Variants in LGSN observed in about 807,000 individuals in gnomAD.
The protein encoded by LGSN is lengsin.
A neutral mutation model predicts 19.5 loss-of-function variants in LGSN; 21 were observed. The ratio of observed to expected loss-of-function variants is 1.07; its 90% CI spans 0.76 to 1.55. The LOEUF (loss-of-function observed/expected upper bound fraction) is 1.55, where lower values mean the gene tolerates loss of function less well. Among genes scored for constraint, LGSN ranks in the 40% most tolerant of loss-of-function variants. The probability of loss-of-function intolerance (pLI) is 0.00; values close to 1 mark genes in which losing one functional copy is unlikely to be tolerated. For synonymous variants in LGSN, 257 were observed against 215.6 expected, an observed-to-expected ratio of 1.19 and a Z score of -1.68; for missense variants, 673 against 608.5, an observed-to-expected ratio of 1.11 and a Z score of -1.12.
the LGSN span, among the ~76,000 whole-genome samples, chr6:63,431,304 G>T: frequency 3.3e-5 from 5 of 152,214 alleles, no homozygotes; most frequent in African/African-American, 1.2e-4. Context: ...CAATGTACCT[G>T]ACTGGGTTCA....
At chr6:63,478,645 G>T in the LGSN span, among the ~76,000 whole-genome samples, 1 of 152,146 alleles carries the variant, frequency 6.6e-6, no homozygotes, top group Non-Finnish European at 1.5e-5. Flanking sequence ...CCCATGTACG[G>T]CTCATTCTAA....
the LGSN span, among the ~76,000 whole-genome samples, chr6:63,399,428 C>T: frequency 6.7e-6 from 1 of 148,834 alleles, no homozygotes; most frequent in African/African-American, 2.5e-5. Flanking sequence ...GAGTTTCGCT[C>T]CTGTCACCCA....
the LGSN span, among the ~76,000 whole-genome samples, chr6:63,473,301 T>C: frequency 1.3e-5 from 2 of 151,616 alleles, no homozygotes; most frequent in Admixed American, 6.6e-5. Flanking sequence ...GGCAAAACCC[T>C]GTCTCTACTA....
the LGSN span, among the ~76,000 whole-genome samples, chr6:63,362,758 C>T: frequency 6.6e-6 from 1 of 152,206 alleles, no homozygotes; most frequent in Non-Finnish European, 1.5e-5. Flanking sequence ...TCTGTAGACT[C>T]CACCTCTGGG....
chr6:63,526,756 A>T, the LGSN span, among the ~76,000 whole-genome samples: 2 of 148,600 alleles, frequency 1.3e-5, no homozygotes, highest in Non-Finnish European at 3.0e-5. Context: ...TCGAGATCAC[A>T]CCACTGCACT....
chr6:63,456,976 C>A, the LGSN span, among the ~76,000 whole-genome samples: 51 of 152,330 alleles, frequency 3.3e-4, no homozygotes, highest in African/African-American at 1.2e-3. Flanking sequence ...TGTACTGCTT[C>A]TCCACCTTAA....
At chr6:63,553,513 G>A in the LGSN span, among the ~76,000 whole-genome samples, 22 of 152,158 alleles carry the variant, frequency 1.4e-4, no homozygotes, top group Admixed American at 3.9e-4. Context: ...AGCCAGTTTG[G>A]TATCCTGTCA....
chr6:63,525,125 A>G, the LGSN span, among the ~76,000 whole-genome samples: 7 of 152,210 alleles, frequency 4.6e-5, no homozygotes, highest in African/African-American at 1.4e-4. Flanking sequence ...TCAAAGGTGA[A>G]GATTTCTAAG....
At chr6:63,547,534 C>A in the LGSN span, among the ~76,000 whole-genome samples, 7 of 106,950 alleles carry the variant, frequency 6.5e-5, no homozygotes, top group African/African-American at 7.2e-5. Context: ...AAGATGGAGT[C>A]TTGCTCTGTC....
rs770572076 is a variant in LGSN, at chr6:63,280,379, C to T, written c.1172G>A (p.Cys391Tyr). 2 of 1,614,050 alleles carry T rather than the reference C, an allele frequency of 1.2e-6. No homozygotes were observed. Among genetic ancestry groups the T allele is most frequent in the Non-Finnish European group, 1.7e-6 (2 of 1,180,054 alleles). Residue 391 changes from cysteine to tyrosine, a missense_variant, in exon 4 of 4, where the codon TGT becomes TAT. Transcript: ENST00000370657. ...TCCATGACATTTGATATTAAATATACAGCTGTTGTCATTGTATCCCCATGT... is the reference window on the plus strand; with the variant it reads ...TCCATGACATTTGATATTAAATATATAGCTGTTGTCATTGTATCCCCATGT... ...PTTWGYNDNS[C>Y]IFNIKCHGEK... is the part of the protein sequence containing the mutation.
In LGSN at chr6:63,281,273, C is replaced by CG. The variant is rs551756687; in HGVS notation, c.331-54dup. The CG allele has an allele frequency of 7.1e-3, 8,865 of 1,251,064 alleles. 80 individuals carry two copies. Among genetic ancestry groups the CG allele is most frequent in the Non-Finnish European group, 7.7e-3 (7,508 of 976,172 alleles). The allele number at this position is 1,251,064 out of a possible 1,614,324, so 77.5% of individuals were successfully genotyped here. ...AGGTTTTGAAAACAAACAAAAGGGT[C>CG]GGGGGGCGGCGGGAAAGCCTTGCTA... On this transcript the variant is annotated intron_variant, in intron 3 of 3. Coordinates refer to ENST00000370657, the MANE Select transcript of LGSN (RefSeq NM_016571.3).
At chr6:63,323,901 A>G (rs1298435788), upstream of LGSN, among the ~76,000 whole-genome samples, 5 of 151,120 alleles carry the variant, frequency 3.3e-5, no homozygotes, top group Middle Eastern at 3.4e-3. Flanking sequence ...CCTCCCAGAT[A>G]GCTGGGATTA....
At chr6:63,362,752 T>C in the LGSN span, among the ~76,000 whole-genome samples, 1 of 152,232 alleles carries the variant, frequency 6.6e-6, no homozygotes, top group East Asian at 1.9e-4. Context: ...CCTGCCTCTG[T>C]AGACTCCACC....
chr6:63,393,001 C>T, the LGSN span, among the ~76,000 whole-genome samples: 1 of 150,854 alleles, frequency 6.6e-6, no homozygotes, highest in Non-Finnish European at 1.5e-5. Context: ...ATTCTCCTAC[C>T]TCAGCCTCCC....
intron 1 of LGSN, among the ~76,000 whole-genome samples, chr6:63,295,267 G>T (rs1378972184): frequency 1.3e-5 from 2 of 152,184 alleles, no homozygotes; most frequent in African/African-American, 4.8e-5. Context: ...TTTTATATGT[G>T]ATACAGAAAA....
Position 63,280,960 on chromosome 6 carries a change from G to A in LGSN, c.591C>T (p.Ala197=), listed in dbSNP as rs746726049. 1.9e-6 allele frequency: 3 copies of A among 1,614,140 alleles called. No homozygotes were observed. The highest frequency in any genetic ancestry group is 2.5e-6 in the Non-Finnish European group (3 of 1,180,022). ...IAKRQLSHLQ[A]SGFSLLSAFI... is the part of the protein sequence containing the mutation. ...AAGCAGAAAGCAGGGAAAAGCCAGA[G>A]GCCTGCAGATGGCTCAGCTGCCTCT... The change falls in exon 4 of 4, where the codon GCC becomes GCT. Residue 197 remains alanine, a synonymous_variant. Transcript: ENST00000370657.
At chr6:63,422,271 C>T in the LGSN span, among the ~76,000 whole-genome samples, 1 of 152,062 alleles carries the variant, frequency 6.6e-6, no homozygotes, top group Admixed American at 6.6e-5. Flanking sequence ...ACCATGTTGG[C>T]CAGGCTGGTC....
the LGSN span, among the ~76,000 whole-genome samples, chr6:63,561,729 A>T: frequency 6.6e-6 from 1 of 152,242 alleles, no homozygotes; most frequent in African/African-American, 2.4e-5. Context: ...TTAATTTCCC[A>T]GGGAGCTTCT....
chr6:63,554,207 T>C, the LGSN span, among the ~76,000 whole-genome samples: 2 of 152,248 alleles, frequency 1.3e-5, no homozygotes, highest in Non-Finnish European at 2.9e-5. Context: ...GTTTTGCAGT[T>C]TCTTTTTAAG....
Sources: allele counts gnomAD v4.1 joint callset (sites outside exome capture counted in the v4.1 genomes callset), GRCh38; gene constraint gnomAD v4.1.1; transcripts MANE v1.5; gene names NCBI Gene and HGNC (gene_info 2026-07-23, HGNC 2026-07-21).